NOS1: variants seen among roughly 807,000 people sequenced by gnomAD.
The protein encoded by NOS1 is nitric oxide synthase 1, also known as NOS type I.
Under a neutral mutation model 164.5 loss-of-function variants are expected in NOS1, and 51 were observed. The ratio of observed to expected loss-of-function variants is 0.31; its 90% CI spans 0.25 to 0.39. The LOEUF is 0.39. NOS1 is among the 10% of genes least tolerant of loss of function. NOS1 has a pLI of 1.00. For synonymous variants in NOS1, 719 were observed against 745.8 expected, an observed-to-expected ratio of 0.96 and a Z score of 0.59; for missense variants, 1,362 against 1,885.6, an observed-to-expected ratio of 0.72 and a Z score of 5.14.
chr12:117,318,001 G>C (rs1217104605), intron 2 of NOS1, among the ~76,000 whole-genome samples: 2 of 152,142 alleles, frequency 1.3e-5, no homozygotes, highest in African/African-American at 4.8e-5. Context: ...GTGAGATCCT[G>C]TCTATACACA....
intron 23 of NOS1, 91 bp from the exon 24 acceptor site, chr12:117,226,861 G>T: frequency 1.1e-6 from 1 of 941,772 alleles, no homozygotes; most frequent in South Asian, 1.4e-5. Flanking sequence ...CACAGGCCCA[G>T]TGCCAAGTTT....
At chr12:117,218,980 GTT>G (rs111927283) in intron 27 of NOS1, among the ~76,000 whole-genome samples, 13 of 136,752 alleles carry the variant, frequency 9.5e-5, no homozygotes, top group African/African-American at 1.1e-4. Context: ...GGGGTTAGTT[GTT>G]TTTTTTTTTT....
At chr12:117,268,710 C>A (rs1033048067) in intron 10 of NOS1, among the ~76,000 whole-genome samples, 22 of 151,518 alleles carry the variant, frequency 1.5e-4, no homozygotes, top group Non-Finnish European at 4.4e-5. Context: ...CTGCCTTAGC[C>A]TCCTGAGTAG....
At chr12:117,304,891 C>T in intron 3 of NOS1, 1 of 487,420 alleles carries the variant, frequency 2.1e-6, no homozygotes, top group Non-Finnish European at 2.7e-6. Flanking sequence ...AGGGGTCAGA[C>T]CTCACTATTT....
At position 117,330,328 on chromosome 12, in the gene NOS1, A is replaced by ACACACC. The variant is rs369055988; in HGVS notation, c.725+16_725+17insGGTGTG. ...CACACACACACACACACACACACAC[A>ACACACC]CCCCTGTGGAGCTTACCTGTCCACC... is the stretch of plus-strand genomic sequence containing the variant. On this transcript the variant is annotated intron_variant, in intron 2 of 28. Transcript: ENST00000317775. This position sits in a 1 kb window ranked among gnomAD's most constrained non-coding sequence, Gnocchi z 4.6. 1.6e-3 allele frequency: 2,568 copies of ACACACC among 1,593,206 alleles called. 8 individuals carry two copies. In the East Asian group the frequency reaches 0.034, roughly 21 times the overall value.
At chr12:117,260,328 G>A in intron 14 of NOS1, 137 bp downstream of exon 14, 1 of 843,776 alleles carries the variant, frequency 1.2e-6, no homozygotes, top group Non-Finnish European at 1.8e-6. Context: ...ATGCAAATGT[G>A]TATGTGAGCT....
intron 2 of NOS1, among the ~76,000 whole-genome samples, chr12:117,326,397 A>C (rs1277218609): frequency 2.0e-4 from 1 of 5,000 alleles, no homozygotes; most frequent in Non-Finnish European, 3.8e-4. Context: ...AAAAAAAAAA[A>C]AAAACAAAAA....
chr12:117,233,276 T>C (rs1390320235), intron 21 of NOS1, among the ~76,000 whole-genome samples: 1 of 151,808 alleles, frequency 6.6e-6, no homozygotes, highest in African/African-American at 2.4e-5. Context: ...CTCAAACTCC[T>C]GACCTCAGGT....
rs1205448210 is a variant in NOS1 at position 117,225,065 on chromosome 12, G to A, written c.3777C>T (p.Ala1259=). Residue 1259 remains alanine (A), a synonymous_variant, in exon 25 of 29, where the codon GCC becomes GCT. Coordinates refer to ENST00000317775, the MANE Select transcript of NOS1 (RefSeq NM_000620.5). ...CILVGPGTGI[A]PFRSFWQQRQ... is the part of the protein sequence containing the mutation. The stretch of plus-strand genomic sequence containing the variant: ...GCTGTTGCCAGAAGCTTCGGAAAGG[G>A]GCAATGCCGGTGCCTGGTCCAACGA... 4 of 1,614,218 alleles carry A rather than the reference G, an allele frequency of 2.5e-6. No individual in the cohort carries two copies. The East Asian group carries it at 6.7e-5, about 27-fold the overall frequency.
At chr12:117,309,410 G>A (rs1259548244) in intron 3 of NOS1, 8 of 984,436 alleles carry the variant, frequency 8.1e-6, no homozygotes, top group South Asian at 4.7e-5. Flanking sequence ...CATCCTCCCC[G>A]CTGAAGCTGT....
At chr12:117,235,573 C>A (rs1869638403) in intron 20 of NOS1, among the ~76,000 whole-genome samples, 1 of 152,118 alleles carries the variant, frequency 6.6e-6, no homozygotes, top group Non-Finnish European at 1.5e-5. Flanking sequence ...TGCATAAATT[C>A]ATCAATATTA....
intron 8 of NOS1, among the ~76,000 whole-genome samples, chr12:117,279,436 C>T (rs1317115179): frequency 6.6e-6 from 1 of 151,520 alleles, no homozygotes; most frequent in Non-Finnish European, 1.5e-5. Context: ...TTTTTTGGAC[C>T]CAGACTTCGA....
At chr12:117,268,888 C>T (rs954147024) in intron 10 of NOS1, among the ~76,000 whole-genome samples, 34 of 152,138 alleles carry the variant, frequency 2.2e-4, no homozygotes, top group Non-Finnish European at 3.5e-4. Flanking sequence ...TGAGCCACCG[C>T]GCCCAGCCTC....
chr12:117,241,757 G>A (rs1017806823), intron 20 of NOS1, among the ~76,000 whole-genome samples: 1 of 152,186 alleles, frequency 6.6e-6, no homozygotes, highest in South Asian at 2.1e-4. Context: ...AGAGCAGAAC[G>A]GCCATCAGAA....
chr12:117,209,141 C>T lies in NOS1; in HGVS notation c.*6168G>A, dbSNP rs750340528. On this transcript the variant is annotated 3_prime_UTR_variant, in exon 29 of 29. Coordinates refer to ENST00000317775, the MANE Select transcript of NOS1 (RefSeq NM_000620.5). ...ACTGGGCTAGGCAAAGTTTCTGCTG[C>T]GTGCTCCAGGAAATCTATAATGAGA... 1.6e-5 allele frequency: 16 copies of T among 985,408 alleles called. No homozygotes were observed. The highest frequency in any genetic ancestry group is 1.8e-5 in the Non-Finnish European group (15 of 829,940). The allele number at this position is 985,408 out of a possible 1,614,324, so 61.0% of individuals were successfully genotyped here. A position where few individuals can be genotyped will look rare whatever the true frequency, so the allele number is the denominator to read the frequency against.
chr12:117,333,744 C>T (rs1875664293), intron 1 of NOS1, among the ~76,000 whole-genome samples: 2 of 152,152 alleles, frequency 1.3e-5, no homozygotes, highest in Non-Finnish European at 1.5e-5. Flanking sequence ...GTGTGTGGCC[C>T]GGGTGTCAAC....
At chr12:117,351,107 C>A (rs1876596373) in intron 1 of NOS1, among the ~76,000 whole-genome samples, 2 of 152,096 alleles carry the variant, frequency 1.3e-5, no homozygotes, top group Non-Finnish European at 1.5e-5. Flanking sequence ...GAGCAAGACT[C>A]CGTCTCAAAA....
At chr12:117,280,979 C>G (rs902318293) in intron 7 of NOS1, 113 bp from the exon 8 acceptor site, 21 of 1,255,212 alleles carry the variant, frequency 1.7e-5, no homozygotes, top group Non-Finnish European at 2.1e-5. Context: ...GGTAGATTAC[C>G]TCCGTGCCAA....
Position 117,226,746 on chromosome 12 carries a change from C to A in NOS1, c.3641G>T (p.Gly1214Val). The change falls in exon 24 of 29, where the codon GGC becomes GTC. Residue 1214 changes from glycine to valine, a missense_variant. Coordinates refer to ENST00000317775, the MANE Select transcript of NOS1 (RefSeq NM_000620.5). ...TRDGEGPIHH[G>V]VCSSWLNRIQ... ...CCGGTTGAGCCAGGAGGAGCATACG[C>A]CGTGGTGAATTGGTCCTTCTCCATC... The A allele has an allele frequency of 1.2e-6, 2 of 1,614,028 alleles. No homozygotes were observed. The highest frequency in any genetic ancestry group is 1.7e-6 in the Non-Finnish European group (2 of 1,179,946).
Sources: gnomAD v4.1 joint callset for allele counts (sites outside exome capture counted in the v4.1 genomes callset) on GRCh38, gnomAD v4.1.1 for gene constraint, Gnocchi (gnomAD v3.1) non-coding constraint, MANE v1.5 for transcripts, NCBI Gene and HGNC (gene_info 2026-07-23, HGNC 2026-07-21) for gene names.